The following GABARAPL2 variants were observed in gnomAD, a reference collection of about 807,000 sequenced individuals.
GABARAPL2 encodes GABA type A receptor associated protein like 2, also known as gamma-aminobutyric acid receptor-associated protein-like 2.
GABARAPL2 carries 11 observed loss-of-function variants against 16.9 expected under a neutral mutation model. That is an observed-to-expected ratio of 0.65 (90% CI 0.41 to 1.08). The LOEUF (loss-of-function observed/expected upper bound fraction) is 1.08, where lower values mean the gene tolerates loss of function less well. Ranked by LOEUF, GABARAPL2 falls within the 50% of genes least tolerant of loss-of-function variation. The pLI is 0.00. For missense variants in GABARAPL2, 134 were observed against 142.5 expected (o/e 0.94, Z 0.30); for synonymous variants, 57 against 50.7 (o/e 1.12, Z -0.53).
chr16:75,576,911 A>G (rs2080953019), intron 3 of GABARAPL2: 1 of 179,100 alleles, frequency 5.6e-6, no homozygotes, highest in Non-Finnish European at 1.2e-5. Context: ...AATGAACCCA[A>G]ACTACTCTTC....
chr16:75,571,764 C>T (rs1459738006), intron 3 of GABARAPL2, among the ~76,000 whole-genome samples: 1 of 151,580 alleles, frequency 6.6e-6, no homozygotes, highest in Non-Finnish European at 1.5e-5. Context: ...GCAACCTCTG[C>T]CTCCCAGCTT....
intron 3 of GABARAPL2, among the ~76,000 whole-genome samples, chr16:75,574,167 G>A (rs1307788920): frequency 2.0e-5 from 3 of 152,158 alleles, no homozygotes; most frequent in East Asian, 1.9e-4. Flanking sequence ...CAACAGTAGC[G>A]GTCCAGTGGT....
In GABARAPL2 at chr16:75,566,920, TCCG is replaced by T; in HGVS notation, c.90+16_90+18del. ...CGACAGGGTTCCGGTGAGTGGACTC[TCCG>T]CCCCCTCACCTCGCTGTCACCTCTG... is the stretch of plus-strand genomic sequence containing the variant. On this transcript the variant is annotated intron_variant, in intron 2 of 3. Coordinates refer to ENST00000037243, the MANE Select transcript of GABARAPL2 (RefSeq NM_007285.7). 4 of 1,602,706 alleles carry T rather than the reference TCCG, an allele frequency of 2.5e-6. No individual in the cohort carries two copies. Among genetic ancestry groups the T allele is most frequent in the Non-Finnish European group, 3.4e-6 (4 of 1,169,970 alleles).
intron 3 of GABARAPL2, among the ~76,000 whole-genome samples, chr16:75,569,453 C>T (rs1004736498): frequency 6.6e-6 from 1 of 152,214 alleles, no homozygotes; most frequent in African/African-American, 2.4e-5. Flanking sequence ...GGCCTCTGGG[C>T]TGTGTCTTCA....
At chr16:75,572,188 G>C (rs1468518716) in intron 3 of GABARAPL2, 1 of 152,120 alleles carries the variant, frequency 6.6e-6, no homozygotes, top group Non-Finnish European at 1.5e-5. Flanking sequence ...AACAACCAGT[G>C]GTTAATCTTT....
chr16:75,577,230 G>A (rs2080954800), intron 3 of GABARAPL2, 49 bp from the exon 4 acceptor site: 3 of 1,194,920 alleles, frequency 2.5e-6, no homozygotes, highest in African/African-American at 1.5e-5. Context: ...TTTTTCTCCT[G>A]AAACCTGGAC....
Position 75,567,033 on chromosome 16 carries a change from A to T in GABARAPL2, c.90+126A>T. The T allele has an allele frequency of 3.5e-6, 3 of 847,178 alleles. No homozygotes were observed. In the South Asian group the frequency reaches 4.4e-5, roughly 13 times the overall value. 52.5% of individuals were successfully genotyped at this position (847,178 alleles called of 1,614,324 possible). On this transcript the variant is annotated intron_variant, in intron 2 of 3. Transcript: ENST00000037243. ...TCCCAGTTACAGTAGCTGACGGGCCAGACCGGGATGAGGCCGCCCAGGGCC... is the reference window on the plus strand; with the variant it reads ...TCCCAGTTACAGTAGCTGACGGGCCTGACCGGGATGAGGCCGCCCAGGGCC...
At chr16:75,575,519 G>T (rs992447577) in intron 3 of GABARAPL2, 2 of 152,288 alleles carry the variant, frequency 1.3e-5, no homozygotes, top group Non-Finnish European at 2.9e-5. Flanking sequence ...GCACGATCTC[G>T]GCTCACTGCA....
At chr16:75,577,070 T>C (rs1392932837) in intron 3 of GABARAPL2, 2 of 489,408 alleles carry the variant, frequency 4.1e-6, no homozygotes, top group African/African-American at 1.9e-5. Context: ...AAGGATTTAC[T>C]TGGGAGGATG....
intron 3 of GABARAPL2, among the ~76,000 whole-genome samples, chr16:75,571,643 C>T (rs917366455): frequency 6.9e-4 from 105 of 151,212 alleles, no homozygotes; most frequent in African/African-American, 2.4e-3. Context: ...TTGATCATTT[C>T]TGGGTAAATA....
In GABARAPL2 at chr16:75,566,388, C is replaced by A; in HGVS notation, c.-99C>A. ...GTCCCGCCTGCCGTGTAGTCGCCGC[C>A]GTCGCTGCCGCTGCCGCTGCCGCCG... On this transcript the variant is annotated 5_prime_UTR_variant, in exon 1 of 4. Coordinates refer to ENST00000037243, the MANE Select transcript of GABARAPL2 (RefSeq NM_007285.7). 1 of 887,038 alleles carries A rather than the reference C, an allele frequency of 1.1e-6. No individual in the cohort carries two copies. The highest frequency in any genetic ancestry group is 1.8e-6 in the Non-Finnish European group (1 of 555,746). 54.9% of individuals were successfully genotyped at this position (887,038 alleles called of 1,614,324 possible).
At chr16:75,567,580 A>T (rs1248753268) in intron 2 of GABARAPL2, among the ~76,000 whole-genome samples, 1 of 152,240 alleles carries the variant, frequency 6.6e-6, no homozygotes, top group Non-Finnish European at 1.5e-5. Flanking sequence ...GAGGAGCAAC[A>T]GGCCAAATGA....
At chr16:75,573,299 A>C (rs1392403737) in intron 3 of GABARAPL2, among the ~76,000 whole-genome samples, 2 of 152,236 alleles carry the variant, frequency 1.3e-5, no homozygotes, top group Non-Finnish European at 2.9e-5. Flanking sequence ...TTTGTGGCCC[A>C]GCTCATTTTG....
chr16:75,571,157 G>T (rs1036534900), intron 3 of GABARAPL2, among the ~76,000 whole-genome samples: 5 of 152,162 alleles, frequency 3.3e-5, no homozygotes, highest in Admixed American at 2.6e-4. Context: ...ATAGCTCACT[G>T]CAGCCTTGAA....
At chr16:75,574,185 C>T (rs890758878) in intron 3 of GABARAPL2, among the ~76,000 whole-genome samples, 2 of 152,310 alleles carry the variant, frequency 1.3e-5, no homozygotes, top group East Asian at 3.9e-4. Flanking sequence ...GGTTATTGTT[C>T]ACCCTGGATA....
chr16:75,566,553 G>T (rs371491933), intron 1 of GABARAPL2, 33 bp downstream of exon 1: 4 of 1,604,246 alleles, frequency 2.5e-6, no homozygotes, highest in Admixed American at 3.4e-5. Context: ...GGCTGCTGGG[G>T]GCTGGGGCGG....
intron 3 of GABARAPL2, among the ~76,000 whole-genome samples, chr16:75,575,411 T>G (rs1398515427): frequency 6.6e-6 from 1 of 152,088 alleles, no homozygotes; most frequent in Non-Finnish European, 1.5e-5. Flanking sequence ...TTCTCCGGCC[T>G]CAGCTTCCCG....
In GABARAPL2 at chr16:75,566,406, TGCCGCC is replaced by T; in HGVS notation, c.-79_-74del. On this transcript the variant is annotated 5_prime_UTR_variant, in exon 1 of 4. Coordinates refer to ENST00000037243, the MANE Select transcript of GABARAPL2 (RefSeq NM_007285.7). ...TCGCCGCCGTCGCTGCCGCTGCCGCTGCCGCCGTCGTTGTTGTTGTGCTCGGTGCGC... is the reference window on the plus strand; with the variant it reads ...TCGCCGCCGTCGCTGCCGCTGCCGCTGTCGTTGTTGTTGTGCTCGGTGCGC... The T allele has an allele frequency of 9.2e-7, 1 of 1,086,628 alleles. No individual in the cohort carries two copies. The highest frequency in any genetic ancestry group is 1.4e-6 in the Non-Finnish European group (1 of 729,228). The allele number at this position is 1,086,628 out of a possible 1,614,324, so 67.3% of individuals were successfully genotyped here.
intron 3 of GABARAPL2, among the ~76,000 whole-genome samples, chr16:75,571,996 G>C (rs2080917683): frequency 1.3e-5 from 2 of 151,306 alleles, no homozygotes; most frequent in Admixed American, 1.3e-4. Flanking sequence ...CTTTTTATCA[G>C]ATAAATATGT....
Sources: allele counts gnomAD v4.1 joint callset (sites outside exome capture counted in the v4.1 genomes callset), GRCh38; gene constraint gnomAD v4.1.1; transcripts MANE v1.5; gene names NCBI Gene and HGNC (gene_info 2026-07-23, HGNC 2026-07-21).